Variants in UNC5D observed in about 807,000 individuals in gnomAD.
UNC5D encodes the protein unc-5 netrin receptor D, also known as netrin receptor UNC5D.
A neutral mutation model predicts 105.4 loss-of-function variants in UNC5D; 39 were observed. The ratio of observed to expected loss-of-function variants is 0.37; its 90% CI spans 0.29 to 0.48. UNC5D has a LOEUF of 0.48. Ranked by LOEUF, UNC5D falls within the 20% of genes least tolerant of loss-of-function variation. UNC5D has a pLI of 0.98. For synonymous variants in UNC5D, 452 were observed against 450.4 expected, an observed-to-expected ratio of 1.00 and a Z score of -0.04; for missense variants, 991 against 1,202.4, an observed-to-expected ratio of 0.82 and a Z score of 2.60.
chr8:35,410,836 A>C (rs1052877064), intron 1 of UNC5D, among the ~76,000 whole-genome samples: 1 of 152,096 alleles, frequency 6.6e-6, no homozygotes, highest in African/African-American at 2.4e-5. Context: ...AAAGCTCCAA[A>C]TGACTGTCTT....
At chr8:35,702,505 G>A (rs537692822) in intron 7 of UNC5D, among the ~76,000 whole-genome samples, 1 of 151,844 alleles carries the variant, frequency 6.6e-6, no homozygotes, top group Admixed American at 6.6e-5. Flanking sequence ...ATTTACTAAG[G>A]GTCATTTTAA....
At chr8:35,751,019 C>T (rs1035070371) in intron 13 of UNC5D, among the ~76,000 whole-genome samples, 7 of 152,070 alleles carry the variant, frequency 4.6e-5, no homozygotes, top group Middle Eastern at 3.2e-3. Flanking sequence ...CACGCAGAGC[C>T]GGCTGTGTGG....
At chr8:35,492,223 C>T (rs1811261074) in intron 1 of UNC5D, among the ~76,000 whole-genome samples, 1 of 151,770 alleles carries the variant, frequency 6.6e-6, no homozygotes, top group South Asian at 2.1e-4. Context: ...TGTTATTACT[C>T]TACAGCTAAT....
At chr8:35,482,904 G>C (rs1810575911) in intron 1 of UNC5D, among the ~76,000 whole-genome samples, 1 of 138,546 alleles carries the variant, frequency 7.2e-6, no homozygotes, top group South Asian at 2.4e-4. Flanking sequence ...CTGGATTCAA[G>C]CGATTCTCCT....
chr8:35,543,364 A>G (rs1815407526), intron 1 of UNC5D, among the ~76,000 whole-genome samples: 1 of 152,234 alleles, frequency 6.6e-6, no homozygotes. Flanking sequence ...CTTAAACAAT[A>G]ATCCAATGGA....
intron 1 of UNC5D, among the ~76,000 whole-genome samples, chr8:35,469,440 C>T (rs1173899517): frequency 6.6e-6 from 1 of 151,922 alleles, no homozygotes; most frequent in East Asian, 1.9e-4. Context: ...GCTAAAGAGC[C>T]CATAGATTAC....
chr8:35,614,895 G>A (rs1820918389), intron 4 of UNC5D, among the ~76,000 whole-genome samples: 1 of 152,010 alleles, frequency 6.6e-6, no homozygotes, highest in South Asian at 2.1e-4. Context: ...CTTCTGAAGG[G>A]TCAGAAGCAT....
chr8:35,379,894 A>C (rs1802917513), intron 1 of UNC5D, among the ~76,000 whole-genome samples: 1 of 152,038 alleles, frequency 6.6e-6, no homozygotes, highest in African/African-American at 2.4e-5. Context: ...ACTCACATAC[A>C]TTTTTATATA....
At chr8:35,479,401 C>T (rs1810327075) in intron 1 of UNC5D, among the ~76,000 whole-genome samples, 1 of 152,052 alleles carries the variant, frequency 6.6e-6, no homozygotes, top group African/African-American at 2.4e-5. Flanking sequence ...AAAGGTTTCT[C>T]AACTTAAAAA....
At chr8:35,674,602 G>T (rs1311951130) in intron 4 of UNC5D, among the ~76,000 whole-genome samples, 1 of 152,168 alleles carries the variant, frequency 6.6e-6, no homozygotes, top group Non-Finnish European at 1.5e-5. Flanking sequence ...TCATTATTAG[G>T]CTGGGAAATA....
intron 10 of UNC5D, among the ~76,000 whole-genome samples, chr8:35,728,357 G>A (rs577561377): frequency 1.7e-4 from 26 of 152,016 alleles, no homozygotes; most frequent in Middle Eastern, 3.4e-3. Context: ...TGTGTTTGTC[G>A]TTCATCAAAG....
At chr8:35,762,318 G>A (rs914736354) in intron 14 of UNC5D, among the ~76,000 whole-genome samples, 8 of 152,140 alleles carry the variant, frequency 5.3e-5, no homozygotes, top group African/African-American at 1.9e-4. Context: ...TATATTGAAG[G>A]ATCAACTAGA....
intron 1 of UNC5D, among the ~76,000 whole-genome samples, chr8:35,321,804 C>A (rs182874463): frequency 6.6e-6 from 1 of 152,238 alleles, no homozygotes; most frequent in Non-Finnish European, 1.5e-5. Context: ...GCAAGCACTG[C>A]CTGTGAGGTA....
At chr8:35,244,046 A>G (rs1334079156) in intron 1 of UNC5D, among the ~76,000 whole-genome samples, 1 of 152,204 alleles carries the variant, frequency 6.6e-6, no homozygotes, top group South Asian at 2.1e-4. Context: ...ATTAAGTGAC[A>G]TCTATCATGT....
rs190269014 is a variant in UNC5D at position 35,661,577 on chromosome 8, C to T, written c.571-21970C>T. 1.1e-4 allele frequency among the ~76,000 whole-genome samples: 17 copies of T among 152,208 alleles called. No homozygotes were observed. The East Asian group carries it at 3.1e-3, about 28-fold the overall frequency. On this transcript the variant is annotated intron_variant, in intron 4 of 16. Coordinates refer to ENST00000404895, the MANE Select transcript of UNC5D (RefSeq NM_080872.4). ...TAGACTTAATGCCGGTTTCCTTAGT[C>T]GACTTTTCTACGTTGATCCTTATGT...
chr8:35,588,589 G>A (rs1818949544), intron 3 of UNC5D, among the ~76,000 whole-genome samples: 1 of 152,114 alleles, frequency 6.6e-6, no homozygotes, highest in South Asian at 2.1e-4. Context: ...TTAATAGCTA[G>A]TCACCCTGCT....
intron 2 of UNC5D, among the ~76,000 whole-genome samples, chr8:35,551,298 A>C (rs1816122097): frequency 6.6e-6 from 1 of 152,206 alleles, no homozygotes; most frequent in Non-Finnish European, 1.5e-5. Context: ...AGTTTTGATA[A>C]GCTAAATTTG....
chr8:35,632,677 T>G (rs1374992320), intron 4 of UNC5D, among the ~76,000 whole-genome samples: 1 of 152,170 alleles, frequency 6.6e-6, no homozygotes, highest in Admixed American at 6.5e-5. Context: ...TGCAGAACAG[T>G]GCACATGGTC....
At chr8:35,465,694 C>A (rs1183556829) in intron 1 of UNC5D, among the ~76,000 whole-genome samples, 1 of 152,134 alleles carries the variant, frequency 6.6e-6, no homozygotes, top group Non-Finnish European at 1.5e-5. Context: ...ATATCCTAAT[C>A]CCTGAAACCT....
Sources: allele counts gnomAD v4.1 joint callset (sites outside exome capture counted in the v4.1 genomes callset), GRCh38; gene constraint gnomAD v4.1.1; transcripts MANE v1.5; gene names NCBI Gene and HGNC (gene_info 2026-07-23, HGNC 2026-07-21).